Variants in NCKAP5 observed in about 807,000 individuals in gnomAD.
NCKAP5 encodes the protein NCK associated protein 5.
A neutral mutation model predicts 167.0 loss-of-function variants in NCKAP5; 92 were observed. The ratio of observed to expected loss-of-function variants is 0.55; its 90% CI spans 0.47 to 0.66. The LOEUF is 0.66. Ranked by LOEUF, NCKAP5 falls within the 30% of genes least tolerant of loss-of-function variation. NCKAP5 has a pLI of 0.00. For synonymous variants in NCKAP5, 891 were observed against 877.4 expected (o/e 1.02, Z -0.27); for missense variants, 2,378 against 2,315.0 (o/e 1.03, Z -0.56).
chr2:133,438,849 T>C (rs1239996590), intron 3 of NCKAP5, among the ~76,000 whole-genome samples: 4 of 152,226 alleles, frequency 2.6e-5, no homozygotes, highest in African/African-American at 9.6e-5. Flanking sequence ...GCTGCTTTTG[T>C]CTGTAATTTT....
chr2:132,809,615 G>T (rs138839330), intron 11 of NCKAP5, among the ~76,000 whole-genome samples: 1 of 152,054 alleles, frequency 6.6e-6, no homozygotes. Flanking sequence ...CCATTTGTAC[G>T]AAATGCCCTT....
chr2:132,781,542 T>C (rs1320509803), intron 14 of NCKAP5, among the ~76,000 whole-genome samples: 4 of 152,224 alleles, frequency 2.6e-5, no homozygotes, highest in Non-Finnish European at 4.4e-5. Flanking sequence ...TATAATTATT[T>C]CTGGAAAGTT....
chr2:133,218,936 G>A (rs1476817627), intron 4 of NCKAP5, among the ~76,000 whole-genome samples: 1 of 152,056 alleles, frequency 6.6e-6, no homozygotes, highest in East Asian at 1.9e-4. Flanking sequence ...TTTTAAAAAG[G>A]AAAATACTAT....
intron 19 of NCKAP5, among the ~76,000 whole-genome samples, chr2:132,680,481 G>A (rs1353845485): frequency 1.3e-5 from 2 of 152,124 alleles, no homozygotes; most frequent in Non-Finnish European, 2.9e-5. Context: ...AAACCCAGAG[G>A]GGGGAAATAA....
the NCKAP5 span, among the ~76,000 whole-genome samples, chr2:133,627,646 A>G: frequency 6.6e-6 from 1 of 152,174 alleles, no homozygotes; most frequent in Non-Finnish European, 1.5e-5. Context: ...GGTGACGTGC[A>G]TCTGTAGTGT....
intron 4 of NCKAP5, among the ~76,000 whole-genome samples, chr2:133,257,912 C>G (rs935186143): frequency 6.6e-6 from 1 of 152,162 alleles, no homozygotes; most frequent in African/African-American, 2.4e-5. Context: ...ACCTGGGCCA[C>G]GCAAAGAACC....
the NCKAP5 span, among the ~76,000 whole-genome samples, chr2:133,641,888 A>C: frequency 6.6e-6 from 1 of 152,182 alleles, no homozygotes; most frequent in African/African-American, 2.4e-5. Context: ...GCCTCTCTCC[A>C]TTGAATGATC....
chr2:133,159,759 C>G (rs1409180173), intron 5 of NCKAP5, among the ~76,000 whole-genome samples: 1 of 151,856 alleles, frequency 6.6e-6, no homozygotes, highest in Non-Finnish European at 1.5e-5. Context: ...GCAAGCATTT[C>G]AAAAAAGTAG....
chr2:132,862,016 GATA>G (rs1689952628), intron 10 of NCKAP5, among the ~76,000 whole-genome samples: 2 of 152,196 alleles, frequency 1.3e-5, no homozygotes, highest in Admixed American at 1.3e-4. Context: ...TGATTGGTGT[GATA>G]AAGAGCGTTT....
At chr2:133,470,595 T>C (rs972204644) in intron 3 of NCKAP5, among the ~76,000 whole-genome samples, 8 of 151,884 alleles carry the variant, frequency 5.3e-5, no homozygotes, top group African/African-American at 7.2e-5. Flanking sequence ...CAATGGCGGG[T>C]GCCCCTCCCC....
chr2:132,860,020 G>C (rs1339122593), intron 11 of NCKAP5, among the ~76,000 whole-genome samples: 1 of 152,130 alleles, frequency 6.6e-6, no homozygotes, highest in African/African-American at 2.4e-5. Flanking sequence ...ATAGAAACAG[G>C]AGACGTTCTG....
chr2:133,480,615 G>A (rs904035386), intron 3 of NCKAP5, among the ~76,000 whole-genome samples: 7 of 152,156 alleles, frequency 4.6e-5, no homozygotes, highest in Non-Finnish European at 8.8e-5. Flanking sequence ...AATCCCTTGG[G>A]TAGACAATTC....
At chr2:133,480,924 C>T (rs1265988386) in intron 3 of NCKAP5, among the ~76,000 whole-genome samples, 5 of 152,332 alleles carry the variant, frequency 3.3e-5, no homozygotes, top group Non-Finnish European at 5.9e-5. Context: ...TTTGACTCTG[C>T]TATTGACCTA....
chr2:132,733,246 G>C (rs941291851), intron 16 of NCKAP5, among the ~76,000 whole-genome samples: 4 of 152,274 alleles, frequency 2.6e-5, no homozygotes, highest in African/African-American at 9.6e-5. Flanking sequence ...AATCCTGGAA[G>C]GAAACTTCCT....
At chr2:133,018,015 G>C (rs2078399528) in intron 6 of NCKAP5, among the ~76,000 whole-genome samples, 1 of 152,152 alleles carries the variant, frequency 6.6e-6, no homozygotes, top group Admixed American at 6.5e-5. Context: ...TACTGCCCCA[G>C]GAAGCTCTTA....
intron 4 of NCKAP5, among the ~76,000 whole-genome samples, chr2:133,234,609 CTG>C: frequency 6.6e-6 from 1 of 152,078 alleles, no homozygotes; most frequent in Non-Finnish European, 1.5e-5. Flanking sequence ...AAATATAAAA[CTG>C]TTCGCAGATT....
At chr2:133,222,814 T>C (rs2086713041) in intron 4 of NCKAP5, among the ~76,000 whole-genome samples, 1 of 152,218 alleles carries the variant, frequency 6.6e-6, no homozygotes, top group Non-Finnish European at 1.5e-5. Context: ...CTTTAACAAA[T>C]ATGTAAAATA....
At chr2:133,056,461 T>C (rs1427546793) in intron 6 of NCKAP5, among the ~76,000 whole-genome samples, 1 of 152,094 alleles carries the variant, frequency 6.6e-6, no homozygotes, top group Non-Finnish European at 1.5e-5. Flanking sequence ...ACATTAAGAG[T>C]CAAGTTTTTA....
chr2:133,419,593 C>T (rs1293229825), intron 3 of NCKAP5, among the ~76,000 whole-genome samples: 1 of 152,106 alleles, frequency 6.6e-6, no homozygotes, highest in African/African-American at 2.4e-5. Flanking sequence ...CATTCATTAC[C>T]ACTCCCTAAC....
Sources: gnomAD v4.1 joint callset for allele counts (sites outside exome capture counted in the v4.1 genomes callset) on GRCh38, gnomAD v4.1.1 for gene constraint, MANE v1.5 for transcripts, NCBI Gene and HGNC (gene_info 2026-07-23, HGNC 2026-07-21) for gene names.